The following CPNE2 variants were observed in gnomAD, a reference collection of about 807,000 sequenced individuals.
The protein encoded by CPNE2 is copine-2.
Under a neutral mutation model 69.7 loss-of-function variants are expected in CPNE2, and 42 were observed. That is an observed-to-expected ratio of 0.60 (90% CI 0.47 to 0.78). CPNE2 has a LOEUF of 0.78. Among genes scored for constraint, CPNE2 ranks in the 30% least tolerant of loss-of-function variants. The pLI is 0.00. For synonymous variants in CPNE2, 294 were observed against 289.8 expected (o/e 1.01, Z -0.15); for missense variants, 587 against 732.0 (o/e 0.80, Z 2.29).
At chr16:57,116,082 G>A (rs985854292) in intron 4 of CPNE2, among the ~76,000 whole-genome samples, 2 of 152,106 alleles carry the variant, frequency 1.3e-5, no homozygotes, top group African/African-American at 4.8e-5. Flanking sequence ...CTGGGAAGCC[G>A]GCCAGGCTGG....
At chr16:57,120,089 A>G (rs1368367530) in intron 7 of CPNE2, among the ~76,000 whole-genome samples, 1 of 151,068 alleles carries the variant, frequency 6.6e-6, no homozygotes, top group Non-Finnish European at 1.5e-5. Flanking sequence ...CCTGGCCAAC[A>G]TGGGAAAACC....
At chr16:57,134,865 T>C (rs371572798) in intron 13 of CPNE2, 39 bp downstream of exon 13, 1 of 1,609,576 alleles carries the variant, frequency 6.2e-7, no homozygotes, top group South Asian at 1.1e-5. Flanking sequence ...CTGTGTTTGC[T>C]ACGGGCCTGG....
intron 14 of CPNE2, chr16:57,144,003 T>C: frequency 6.6e-6 from 1 of 152,394 alleles, no homozygotes; most frequent in East Asian, 1.9e-4. Flanking sequence ...ACCTATCTGC[T>C]TAGGTGTCCC....
chr16:57,130,146 TGAG>T lies in CPNE2; in HGVS notation c.1116+2248_1116+2250del, dbSNP rs1201239212. On this transcript the variant is annotated intron_variant, in intron 12 of 15. Coordinates refer to ENST00000290776, the MANE Select transcript of CPNE2 (RefSeq NM_152727.6). The surrounding 1 kb of genome is among the most constrained non-coding windows in gnomAD (Gnocchi z 4.1). ...TTATAATCTTAGCACTTTGGGAGGC[TGAG>T]GAGGGTGGATCACAAGGTGAGGAGT... Among the ~76,000 whole-genome samples, 1 of 151,878 alleles carries T rather than the reference TGAG, an allele frequency of 6.6e-6. No individual in the cohort carries two copies. The highest frequency in any genetic ancestry group is 1.5e-5 in the Non-Finnish European group (1 of 67,960).
At chr16:57,093,579 G>C (rs1043500963) in intron 1 of CPNE2, among the ~76,000 whole-genome samples, 1 of 152,132 alleles carries the variant, frequency 6.6e-6, no homozygotes, top group Admixed American at 6.5e-5. Context: ...CTGCTTCAAA[G>C]GGGGCTGTGA....
chr16:57,145,134 G>GA (rs1269625072), intron 14 of CPNE2, among the ~76,000 whole-genome samples: 3 of 151,928 alleles, frequency 2.0e-5, no homozygotes, highest in Admixed American at 1.3e-4. Context: ...CATTGTAAAT[G>GA]AAAAAAAGCA....
Position 57,092,803 on chromosome 16 carries a change from C to G in CPNE2, c.-36+13C>G, listed in dbSNP as rs1287959986. The G allele has an allele frequency of 2.6e-5, 4 of 151,720 alleles. No homozygotes were observed. The highest frequency in any genetic ancestry group is 5.9e-5 in the Non-Finnish European group (4 of 67,922). The allele number at this position is 151,720 out of a possible 1,614,324, so 9.4% of individuals were successfully genotyped here. ...CGCGGGACCTGCGGTGAGTGGGGCCCGGGCAGGCGGGGCAGCTTGGCGTGA... is the reference window on the plus strand; with the variant it reads ...CGCGGGACCTGCGGTGAGTGGGGCCGGGGCAGGCGGGGCAGCTTGGCGTGA... On this transcript the variant is annotated intron_variant, in intron 1 of 15. Coordinates refer to ENST00000290776, the MANE Select transcript of CPNE2 (RefSeq NM_152727.6). This position sits in a 1 kb window ranked among gnomAD's most constrained non-coding sequence, Gnocchi z 5.3.
chr16:57,139,311 G>A (rs191941714), intron 14 of CPNE2, among the ~76,000 whole-genome samples: 1 of 152,296 alleles, frequency 6.6e-6, no homozygotes, highest in African/African-American at 2.4e-5. Flanking sequence ...TTACCAGTCT[G>A]GGTGGTGACA....
intron 1 of CPNE2, among the ~76,000 whole-genome samples, chr16:57,109,451 G>T (rs2069666710): frequency 6.6e-6 from 1 of 151,258 alleles, no homozygotes; most frequent in Admixed American, 6.6e-5. Context: ...ACTTCAGCCT[G>T]GGTGACAGAG....
chr16:57,127,059 C>T (rs1296958551), intron 11 of CPNE2, among the ~76,000 whole-genome samples: 1 of 152,198 alleles, frequency 6.6e-6, no homozygotes, highest in African/African-American at 2.4e-5. Context: ...AATGTGGTCC[C>T]TGTCCTCAGG....
chr16:57,109,321 C>G (rs1812409367), intron 1 of CPNE2, among the ~76,000 whole-genome samples: 1 of 151,966 alleles, frequency 6.6e-6, no homozygotes, highest in Admixed American at 6.6e-5. Context: ...ACTAAAAATA[C>G]AAAAATTACC....
At chr16:57,111,999 A>G (rs1567666792) in intron 2 of CPNE2, among the ~76,000 whole-genome samples, 1 of 152,402 alleles carries the variant, frequency 6.6e-6, no homozygotes, top group East Asian at 1.9e-4. Context: ...ACCGTTTGGT[A>G]TCCAGCCTTC....
rs770041819 is a variant in CPNE2, at chr16:57,121,109, A to G, written c.698A>G (p.Tyr233Cys). The change falls in exon 8 of 16, where the codon TAT becomes TGT. Residue 233 changes from tyrosine (Y) to cysteine (C), a missense_variant. Transcript: ENST00000290776. ...EKPIQVMCYD[Y>C]DNDGGHDFIG... Reference sequence around the variant, plus strand: ...CCACCCCAGGTCATGTGCTACGACTATGACAATGACGGGGGCCATGACTTC... The same window carrying G: ...CCACCCCAGGTCATGTGCTACGACTGTGACAATGACGGGGGCCATGACTTC... 3.7e-6 allele frequency: 6 copies of G among 1,613,854 alleles called. No individual in the cohort carries two copies. Among genetic ancestry groups the G allele is most frequent in the East Asian group, 2.2e-5 (1 of 44,866 alleles).
intron 12 of CPNE2, among the ~76,000 whole-genome samples, chr16:57,133,041 T>G (rs1597503165): frequency 6.6e-6 from 1 of 152,178 alleles, no homozygotes; most frequent in South Asian, 2.1e-4. Context: ...TAAAATCTGA[T>G]TTTTCAGGAA....
chr16:57,093,861 G>C, intron 1 of CPNE2: 1 of 347,050 alleles, frequency 2.9e-6, no homozygotes, highest in Non-Finnish European at 5.7e-6. Flanking sequence ...AACAGGCGGT[G>C]TGCGCAGATT....
At chr16:57,137,880 G>T (rs2069894715) in intron 14 of CPNE2, among the ~76,000 whole-genome samples, 1 of 152,216 alleles carries the variant, frequency 6.6e-6, no homozygotes, top group South Asian at 2.1e-4. Flanking sequence ...GATGCCAGTG[G>T]TGGGGTCACC....
intron 14 of CPNE2, chr16:57,142,560 G>A (rs1023094641): frequency 6.6e-6 from 1 of 152,274 alleles, no homozygotes; most frequent in Non-Finnish European, 1.5e-5. Context: ...CCACTGGAAG[G>A]TCTTATGCAG....
At chr16:57,097,569 C>T (rs2069585571) in intron 1 of CPNE2, among the ~76,000 whole-genome samples, 1 of 152,184 alleles carries the variant, frequency 6.6e-6, no homozygotes, top group Non-Finnish European at 1.5e-5. Context: ...AGCTCCATTT[C>T]CTGTATGAAG....
intron 14 of CPNE2, among the ~76,000 whole-genome samples, chr16:57,137,629 C>G (rs1404590710): frequency 5.9e-5 from 9 of 152,320 alleles, no homozygotes; most frequent in African/African-American, 1.9e-4. Context: ...TCTGAGCCAC[C>G]TAGTTCCAAT....
Sources: gnomAD v4.1 joint callset for allele counts (sites outside exome capture counted in the v4.1 genomes callset) on GRCh38, gnomAD v4.1.1 for gene constraint, Gnocchi (gnomAD v3.1) non-coding constraint, MANE v1.5 for transcripts, NCBI Gene and HGNC (gene_info 2026-07-23, HGNC 2026-07-21) for gene names.